EPHA10: variants seen among roughly 807,000 people sequenced by gnomAD.
EPHA10 encodes ephrin type-A receptor 10.
A neutral mutation model predicts 109.7 loss-of-function variants in EPHA10; 120 were observed. The ratio of observed to expected loss-of-function variants is 1.09; its 90% confidence interval spans 0.94 to 1.27. The LOEUF is 1.27. EPHA10 is among the 50% of genes most tolerant of loss of function. EPHA10 has a pLI of 0.00. For missense variants in EPHA10, 1,396 were observed against 1,411.1 expected (o/e 0.99, Z 0.17); for synonymous variants, 640 against 618.9 (o/e 1.03, Z -0.51).
At chr1:37,719,037 G>A in intron 15 of EPHA10, 1 of 636,724 alleles carries the variant, frequency 1.6e-6, no homozygotes, top group Non-Finnish European at 2.7e-6. Flanking sequence ...TAAAGGTATT[G>A]GCGTATCCGG....
At chr1:37,731,218 C>T (rs1012731298) in intron 7 of EPHA10, among the ~76,000 whole-genome samples, 193 bp downstream of exon 7, 9 of 152,146 alleles carry the variant, frequency 5.9e-5, no homozygotes, top group African/African-American at 1.2e-4. Context: ...TAATTCACGT[C>T]GGTGAACAGG....
At chr1:37,719,768 G>A in intron 14 of EPHA10, 141 bp downstream of exon 14, 1 of 1,469,630 alleles carries the variant, frequency 6.8e-7, no homozygotes. Context: ...CTGGGGCAGT[G>A]GCCAGGCAGA....
chr1:37,721,145 C>T (rs1199197877), intron 11 of EPHA10, among the ~76,000 whole-genome samples: 1 of 151,690 alleles, frequency 6.6e-6, no homozygotes, highest in Non-Finnish European at 1.5e-5. Context: ...CCTGGCCAGG[C>T]GCGGTGGTTC....
At chr1:37,731,020 C>T (rs568881077) in intron 7 of EPHA10, among the ~76,000 whole-genome samples, 1 of 152,092 alleles carries the variant, frequency 6.6e-6, no homozygotes. Flanking sequence ...TTTATCACTG[C>T]AATGCAACCC....
At chr1:37,741,166 T>C (rs1255569478) in intron 5 of EPHA10, among the ~76,000 whole-genome samples, 1 of 152,192 alleles carries the variant, frequency 6.6e-6, no homozygotes, top group Non-Finnish European at 1.5e-5. Flanking sequence ...TGACACCTCC[T>C]AGGCTTGCTG....
chr1:37,733,082 T>C (rs1286453401), intron 6 of EPHA10, among the ~76,000 whole-genome samples: 1 of 150,890 alleles, frequency 6.6e-6, no homozygotes, highest in Non-Finnish European at 1.5e-5. Flanking sequence ...TAATAGAGAC[T>C]GGGTTTCGCC....
intron 5 of EPHA10, among the ~76,000 whole-genome samples, chr1:37,750,188 T>C (rs987930562): frequency 1.3e-5 from 2 of 152,190 alleles, no homozygotes; most frequent in African/African-American, 4.8e-5. Flanking sequence ...CTATACTGAA[T>C]TTTTAAAAAT....
chr1:37,735,528 G>C (rs934299200), intron 5 of EPHA10, 138 bp from the exon 6 acceptor site: 19 of 1,046,612 alleles, frequency 1.8e-5, no homozygotes, highest in Non-Finnish European at 2.4e-5. Context: ...GGCTGTGGGC[G>C]GGGCTAGGGA....
chr1:37,720,979 C>G, intron 11 of EPHA10, 135 bp from the exon 12 acceptor site: 1 of 767,912 alleles, frequency 1.3e-6, no homozygotes, highest in East Asian at 2.7e-5. Context: ...CGCCATCCTC[C>G]TGCCCAGCCC....
chr1:37,723,012 G>C, intron 10 of EPHA10, 29 bp downstream of exon 10: 1 of 1,613,902 alleles, frequency 6.2e-7, no homozygotes, highest in Non-Finnish European at 8.5e-7. Context: ...TTCCAGATGG[G>C]GACAAGGCTT....
rs1044161611 is a variant in EPHA10 at position 37,731,640 on chromosome 1, C to T, written c.1492-58G>A. On this transcript the variant is annotated intron_variant, in intron 6 of 16. Coordinates refer to ENST00000373048, the MANE Select transcript of EPHA10 (RefSeq NM_001099439.2). ...CGCCAGATCCACTGTTCTAGGAGAA[C>T]AAAGGGTGAACAGGAACAGGGAGGC... The T allele has an allele frequency of 2.4e-5, 36 of 1,505,920 alleles. No individual in the cohort carries two copies. The African/African-American group carries it at 4.6e-4, about 19-fold the overall frequency. The allele number at this position is 1,505,920 out of a possible 1,614,324, so 93.3% of individuals were successfully genotyped here. A position where few individuals can be genotyped will look rare whatever the true frequency, so the allele number is the denominator to read the frequency against.
chr1:37,720,436 A>G lies in EPHA10; in HGVS notation c.2327T>C (p.Val776Ala), dbSNP rs1374944771. 1 of 1,613,620 alleles carries G rather than the reference A, an allele frequency of 6.2e-7. No individual in the cohort carries two copies. Among genetic ancestry groups the G allele is most frequent in the African/African-American group, 1.3e-5 (1 of 75,072 alleles). Reference protein sequence around the residue: ...YVHRGLAARHVLVSSDLVCKI... With the variant: ...YVHRGLAARHALVSSDLVCKI... The stretch of plus-strand genomic sequence containing the variant: ...GCAGACAAGGTCGCTGCTGACCAGC[A>G]CATGGCGAGCTGCCAGGCCCCGGTG... The change falls in exon 13 of 17, where the codon GTG becomes GCG. Residue 776 changes from valine (V) to alanine (A), a missense_variant. Val to Ala is a moderately conservative substitution (Grantham distance 64, BLOSUM62 0). Coordinates refer to ENST00000373048, the MANE Select transcript of EPHA10 (RefSeq NM_001099439.2).
intron 5 of EPHA10, among the ~76,000 whole-genome samples, chr1:37,750,811 G>C (rs1646310134): frequency 6.6e-6 from 1 of 151,804 alleles, no homozygotes; most frequent in Non-Finnish European, 1.5e-5. Context: ...CTCCCAAAGT[G>C]CTCAGACTAA....
chr1:37,752,822 G>T, intron 5 of EPHA10, 54 bp downstream of exon 5: 6 of 1,186,742 alleles, frequency 5.1e-6, no homozygotes, highest in Non-Finnish European at 6.3e-6. Flanking sequence ...CCCCAAGAGG[G>T]CGCAGGGGCG....
rs370330733 is a variant in EPHA10, at chr1:37,720,555, C to T, written c.2209-1G>A. 2.5e-6 allele frequency: 4 copies of T among 1,608,258 alleles called. No individual in the cohort carries two copies. In the African/African-American group the frequency reaches 5.4e-5, roughly 22 times the overall value. On this transcript the variant is annotated splice_acceptor_variant, in intron 12 of 16. Transcript: ENST00000373048. LOFTEE classifies it high-confidence loss of function. Reference sequence around the variant, plus strand: ...CAGCCACCAGCTGCCCCTCGTGCCGCTGTGGAGGGAGAAGACTGAGGCCAG... The same window carrying T: ...CAGCCACCAGCTGCCCCTCGTGCCGTTGTGGAGGGAGAAGACTGAGGCCAG...
At position 37,723,337 on chromosome 1, in the gene EPHA10, T is replaced by C. The variant is rs558829854; in HGVS notation, c.1808A>G (p.His603Arg). Residue 603 changes from histidine (H) to arginine (R), a missense_variant, in exon 9 of 17, where the codon CAT becomes CGT. His to Arg is a conservative substitution (Grantham distance 29). Transcript: ENST00000373048. ...GTGGAAATACAGCTCCTCTTCATCA[T>C]GGGCATCCCCTCCTCCTTTGCCATA... ...CSYGKGGGDA[H>R]DEEELYFHFK... The C allele has an allele frequency of 8.7e-6, 14 of 1,614,056 alleles. No individual in the cohort carries two copies. The highest frequency in any genetic ancestry group is 1.7e-5 in the Admixed American group (1 of 60,008).
rs776897992 is a variant in EPHA10 at position 37,731,526 on chromosome 1, G to A, written c.1548C>T (p.Val516=). 4 of 1,613,986 alleles carry A rather than the reference G, an allele frequency of 2.5e-6. No homozygotes were observed. The highest frequency in any genetic ancestry group is 3.4e-6 in the Non-Finnish European group (4 of 1,180,018). Residue 516 remains valine (V), a synonymous_variant, in exon 7 of 17, where the codon GTC becomes GTT. Transcript: ENST00000373048. ...MVKTGAPTVT[V]TNLKPATRYV... ...AGCGGGTAGCCGGCTTCAGGTTGGT[G>A]ACGGTGACTGTGGGCGCCCCTGTCT...
At position 37,737,240 on chromosome 1, in the gene EPHA10, G is replaced by A. The variant is rs995208112; in HGVS notation, c.1358-1850C>T. ...AAGGTGAGAGAATCACTTGAGGCCA[G>A]CATTTTGAGACCAGCCTGGGCAACA... On this transcript the variant is annotated intron_variant, in intron 5 of 16. Transcript: ENST00000373048. Among the ~76,000 whole-genome samples, 5 of 152,116 alleles carry A rather than the reference G, an allele frequency of 3.3e-5. No homozygotes were observed. In the East Asian group the frequency reaches 5.8e-4, roughly 18 times the overall value.
At chr1:37,752,767 T>A (rs998153843) in intron 5 of EPHA10, 109 bp downstream of exon 5, 39 of 597,496 alleles carry the variant, frequency 6.5e-5, no homozygotes, top group Middle Eastern at 1.3e-3. Context: ...GAGGATGGCT[T>A]CTCTGGGGTG....
Sources: allele counts gnomAD v4.1 joint callset (sites outside exome capture counted in the v4.1 genomes callset), GRCh38; gene constraint gnomAD v4.1.1; transcripts MANE v1.5; gene names NCBI Gene and HGNC (gene_info 2026-07-23, HGNC 2026-07-21).